CUX1: variants seen among roughly 807,000 people sequenced by gnomAD.
CUX1 encodes protein CASP.
Under a neutral mutation model 158.8 loss-of-function variants are expected in CUX1, and 31 were observed. That is an observed-to-expected ratio of 0.20 (90% CI 0.15 to 0.26). CUX1 has a LOEUF of 0.26. CUX1 is among the 10% of genes least tolerant of loss of function. The pLI, the probability that CUX1 is intolerant of heterozygous loss-of-function variation, is 1.00. For missense variants in CUX1, 1,589 were observed against 2,014.6 expected (o/e 0.79, Z 4.04); for synonymous variants, 879 against 862.1 (o/e 1.02, Z -0.34).
At chr7:102,216,904 C>T (rs1351724057) in intron 20 of CUX1, among the ~76,000 whole-genome samples, 1 of 140,480 alleles carries the variant, frequency 7.1e-6, no homozygotes, top group East Asian at 2.3e-4. Flanking sequence ...CACACACACA[C>T]ACATTTGCAG....
intron 2 of CUX1, among the ~76,000 whole-genome samples, chr7:102,025,403 A>AT (rs1396416617): frequency 3.3e-5 from 5 of 152,202 alleles, no homozygotes; most frequent in Non-Finnish European, 5.9e-5. Context: ...CAAGGCAGGC[A>AT]TATCGCTTGA....
In CUX1 at chr7:102,248,608, G is replaced by C; in HGVS notation, c.4084G>C (p.Glu1362Gln). Residue 1362 changes from glutamate to glutamine, a missense_variant, in exon 24 of 24, where the codon GAG (glutamate) becomes CAG (glutamine). Coordinates refer to ENST00000292535, the MANE Select transcript of CUX1 (RefSeq NM_181552.4). This position sits in a 1 kb window ranked among gnomAD's most constrained non-coding sequence, Gnocchi z 5.8. ...GGAGCCCAAGTCTCAGGGAGAGGCC[G>C]AGCGGGAGGAGGTGCCGCGGCCGGC... ...TEEPKSQGEA[E>Q]REEVPRPAEQ... 1 of 1,448,134 alleles carries C rather than the reference G, an allele frequency of 6.9e-7. No homozygotes were observed. Among genetic ancestry groups the C allele is most frequent in the Non-Finnish European group, 9.0e-7 (1 of 1,105,362 alleles). 89.7% of individuals were successfully genotyped at this position (1,448,134 alleles called of 1,614,324 possible).
chr7:102,188,810 G>A (rs1189196001), intron 11 of CUX1: 1 of 134,604 alleles, frequency 7.4e-6, no homozygotes, highest in Non-Finnish European at 1.5e-5. Flanking sequence ...GCGAGAGTCT[G>A]TCTCCACCAA....
At chr7:102,196,099 T>G (rs181421085) in intron 14 of CUX1, among the ~76,000 whole-genome samples, 1 of 152,360 alleles carries the variant, frequency 6.6e-6, no homozygotes, top group Non-Finnish European at 1.5e-5. Flanking sequence ...GTCACTTGAC[T>G]GTGCTTCTGG....
intron 8 of CUX1, among the ~76,000 whole-genome samples, chr7:102,135,438 G>A (rs1833793036): frequency 6.6e-6 from 1 of 152,018 alleles, no homozygotes; most frequent in South Asian, 2.1e-4. Flanking sequence ...TCGGGTGACA[G>A]CGGAGGAGGA....
intron 2 of CUX1, among the ~76,000 whole-genome samples, chr7:101,976,291 G>T (rs1006954690): frequency 1.3e-5 from 2 of 152,162 alleles, no homozygotes; most frequent in Admixed American, 6.5e-5. Flanking sequence ...TTTTTGAATC[G>T]ACAACAGTTT....
intron 20 of CUX1, among the ~76,000 whole-genome samples, chr7:102,213,122 G>A (rs945883078): frequency 2.0e-5 from 3 of 152,218 alleles, no homozygotes; most frequent in African/African-American, 7.2e-5. Context: ...GGGGTTACAG[G>A]TGTGCACCAC....
At chr7:101,821,570 C>G (rs1269852288) in intron 1 of CUX1, among the ~76,000 whole-genome samples, 1 of 151,214 alleles carries the variant, frequency 6.6e-6, no homozygotes, top group Non-Finnish European at 1.5e-5. Flanking sequence ...GATCTCCTCA[C>G]TTAGTGATCC....
At chr7:102,096,707 A>T (rs1322744218) in intron 4 of CUX1, among the ~76,000 whole-genome samples, 1 of 149,820 alleles carries the variant, frequency 6.7e-6, no homozygotes, top group Non-Finnish European at 1.5e-5. Flanking sequence ...CCCTGTCTTA[A>T]ACAAACAAAC....
chr7:101,998,885 C>T (rs529179556), intron 2 of CUX1, among the ~76,000 whole-genome samples: 3 of 152,268 alleles, frequency 2.0e-5, no homozygotes, highest in African/African-American at 7.2e-5. Context: ...AGAAACAGGC[C>T]CCTGAGCCCC....
intron 2 of CUX1, among the ~76,000 whole-genome samples, chr7:101,972,621 A>C (rs1396864912): frequency 6.6e-6 from 1 of 152,096 alleles, no homozygotes; most frequent in African/African-American, 2.4e-5. Context: ...TTTCTGCTGT[A>C]TTCACGCGCC....
chr7:101,856,008 C>T (rs1056314485), intron 1 of CUX1, among the ~76,000 whole-genome samples: 13 of 151,644 alleles, frequency 8.6e-5, no homozygotes, highest in African/African-American at 2.7e-4. Flanking sequence ...AGCAAGAACC[C>T]GTCTGTACAA....
intron 20 of CUX1, among the ~76,000 whole-genome samples, chr7:102,212,881 T>G (rs1554523552): frequency 2.6e-5 from 4 of 152,226 alleles, no homozygotes; most frequent in Non-Finnish European, 2.9e-5. Flanking sequence ...AGTCTCGCTC[T>G]GTCACCCAGG....
At chr7:101,918,721 G>C (rs1333013738) in intron 2 of CUX1, among the ~76,000 whole-genome samples, 1 of 152,258 alleles carries the variant, frequency 6.6e-6, no homozygotes, top group Non-Finnish European at 1.5e-5. Flanking sequence ...TCCAAGACGA[G>C]ACCCACTTCA....
intron 1 of CUX1, among the ~76,000 whole-genome samples, chr7:101,826,549 G>A (rs368434267): frequency 1.3e-5 from 2 of 152,130 alleles, no homozygotes; most frequent in Admixed American, 6.5e-5. Context: ...CTGTGTGCCC[G>A]GCAGTAGTGA....
At chr7:102,227,035 C>G (rs565568882) in intron 20 of CUX1, among the ~76,000 whole-genome samples, 9 of 152,202 alleles carry the variant, frequency 5.9e-5, no homozygotes, top group East Asian at 1.9e-4. Flanking sequence ...TCTGAATTAC[C>G]AAATTATGGG....
At chr7:101,886,663 C>T (rs867935804) in intron 1 of CUX1, among the ~76,000 whole-genome samples, 2 of 152,150 alleles carry the variant, frequency 1.3e-5, no homozygotes, top group Non-Finnish European at 1.5e-5. Context: ...GCACTGCATG[C>T]CTGGATAGCC....
chr7:101,831,317 G>A (rs1191851928), intron 1 of CUX1, among the ~76,000 whole-genome samples: 1 of 151,548 alleles, frequency 6.6e-6, no homozygotes, highest in Non-Finnish European at 1.5e-5. Flanking sequence ...TCGAGATGGA[G>A]TCTTGCTTTG....
chr7:102,203,151 G>A (rs1050017411), intron 18 of CUX1, among the ~76,000 whole-genome samples: 9 of 152,056 alleles, frequency 5.9e-5, no homozygotes, highest in Admixed American at 6.5e-5. Flanking sequence ...ATTTTTAGTC[G>A]AGTCAGGGTT....
Sources: gnomAD v4.1 joint callset for allele counts (sites outside exome capture counted in the v4.1 genomes callset) on GRCh38, gnomAD v4.1.1 for gene constraint, Gnocchi (gnomAD v3.1) non-coding constraint, MANE v1.5 for transcripts, NCBI Gene and HGNC (gene_info 2026-07-23, HGNC 2026-07-21) for gene names.